Variants in SEMA6D observed in about 807,000 individuals in gnomAD.
SEMA6D encodes semaphorin-6D.
Under a neutral mutation model 106.6 loss-of-function variants are expected in SEMA6D, and 35 were observed. That is an observed-to-expected ratio of 0.33 (90% confidence interval 0.25 to 0.44). The LOEUF (loss-of-function observed/expected upper bound fraction) is 0.44. Ranked by LOEUF, SEMA6D falls within the 20% of genes least tolerant of loss-of-function variation. The pLI, the probability that SEMA6D is intolerant of heterozygous loss-of-function variation, is 1.00. For missense variants in SEMA6D, 1,185 were observed against 1,345.9 expected (o/e 0.88, Z 1.87); for synonymous variants, 499 against 487.7 (o/e 1.02, Z -0.31).
intron 1 of SEMA6D, among the ~76,000 whole-genome samples, chr15:47,229,677 A>G (rs2032052596): frequency 6.6e-6 from 1 of 152,062 alleles, no homozygotes; most frequent in Non-Finnish European, 1.5e-5. Flanking sequence ...CTGAAGTCAT[A>G]TTTGCTGGAT....
chr15:47,765,238 G>T, intron 13 of SEMA6D, 182 bp downstream of exon 13: 1 of 1,385,526 alleles, frequency 7.2e-7, no homozygotes. Flanking sequence ...CTAGGGCGAG[G>T]GGGGTGAATG....
At chr15:47,760,946 C>T (rs756992590) in intron 3 of SEMA6D, 32 bp from the exon 4 acceptor site, 6 of 1,573,790 alleles carry the variant, frequency 3.8e-6, no homozygotes, top group African/African-American at 2.7e-5. Context: ...TATGTATTCA[C>T]GTGATATGTT....
intron 4 of SEMA6D, among the ~76,000 whole-genome samples, chr15:47,672,594 G>A (rs748492918): frequency 1.3e-4 from 20 of 151,976 alleles, no homozygotes; most frequent in Non-Finnish European, 1.8e-4. Flanking sequence ...CTGTCACCAG[G>A]TTGTATTAAA....
intron 3 of SEMA6D, among the ~76,000 whole-genome samples, chr15:47,557,782 A>G (rs1443427964): frequency 6.6e-6 from 1 of 152,158 alleles, no homozygotes; most frequent in Non-Finnish European, 1.5e-5. Flanking sequence ...TCTCTTCATC[A>G]AAGGGAAAGC....
chr15:47,598,915 G>A (rs912899606), intron 3 of SEMA6D, among the ~76,000 whole-genome samples: 5 of 151,928 alleles, frequency 3.3e-5, no homozygotes, highest in African/African-American at 4.8e-5. Context: ...ATGAGATAGC[G>A]ACTTAAAACA....
chr15:47,613,452 A>G (rs564827043), intron 4 of SEMA6D, among the ~76,000 whole-genome samples: 97 of 152,286 alleles, frequency 6.4e-4, no homozygotes, highest in African/African-American at 2.3e-3. Context: ...ATTCTCTCGG[A>G]GGAAGATAGC....
intron 1 of SEMA6D, among the ~76,000 whole-genome samples, chr15:47,237,154 C>T (rs2032600927): frequency 6.6e-6 from 1 of 152,140 alleles, no homozygotes; most frequent in Admixed American, 6.6e-5. Flanking sequence ...TCTAGCTGTG[C>T]TATACAAAAT....
At chr15:47,608,228 T>C (rs2076822427) in intron 4 of SEMA6D, among the ~76,000 whole-genome samples, 1 of 152,200 alleles carries the variant, frequency 6.6e-6, no homozygotes, top group Admixed American at 6.5e-5. Context: ...CATAAAAATA[T>C]TTAATCCATA....
intron 4 of SEMA6D, among the ~76,000 whole-genome samples, chr15:47,640,021 T>C (rs531751451): frequency 1.3e-5 from 2 of 152,138 alleles, no homozygotes; most frequent in South Asian, 2.1e-4. Context: ...TATCAGTTCA[T>C]TAATAGTAAC....
At chr15:47,750,617 T>G (rs2147314618) in intron 1 of SEMA6D, among the ~76,000 whole-genome samples, 1 of 152,360 alleles carries the variant, frequency 6.6e-6, no homozygotes, top group African/African-American at 2.4e-5. Flanking sequence ...CAGCAGGGCT[T>G]CAGCTGTGTG....
intron 1 of SEMA6D, among the ~76,000 whole-genome samples, chr15:47,725,296 C>T (rs1187421161): frequency 2.0e-5 from 3 of 152,028 alleles, no homozygotes; most frequent in South Asian, 2.1e-4. Flanking sequence ...TTAATAAATG[C>T]GCTAATTGAG....
At chr15:47,757,266 C>T (rs1192325067) in intron 1 of SEMA6D, among the ~76,000 whole-genome samples, 1 of 152,164 alleles carries the variant, frequency 6.6e-6, no homozygotes, top group African/African-American at 2.4e-5. Flanking sequence ...TGTTTTAATG[C>T]AGATGTTTCT....
chr15:47,298,531 A>G (rs1496915), intron 1 of SEMA6D, among the ~76,000 whole-genome samples: 150,659 of 152,222 alleles, frequency 0.99, 74,568 homozygotes, highest in Middle Eastern at 1. Context: ...TCCACTGGAT[A>G]GAACATTCAC....
chr15:47,367,873 A>T (rs281276), intron 1 of SEMA6D, among the ~76,000 whole-genome samples: 303 of 152,120 alleles, frequency 2.0e-3, no homozygotes, highest in African/African-American at 6.8e-3. Context: ...TTTTTTGATG[A>T]CAAGTCTTGG....
intron 2 of SEMA6D, among the ~76,000 whole-genome samples, chr15:47,445,512 T>C (rs553483906): frequency 6.6e-6 from 1 of 152,184 alleles, no homozygotes; most frequent in Non-Finnish European, 1.5e-5. Flanking sequence ...GGCTTAACCA[T>C]ACCTACATCT....
intron 4 of SEMA6D, among the ~76,000 whole-genome samples, chr15:47,676,726 G>T (rs1393741776): frequency 6.6e-6 from 1 of 152,148 alleles, no homozygotes; most frequent in Non-Finnish European, 1.5e-5. Context: ...ACCTATTGCT[G>T]CAAAACAAAC....
chr15:47,697,558 T>G (rs1773510466), intron 4 of SEMA6D, among the ~76,000 whole-genome samples: 1 of 152,204 alleles, frequency 6.6e-6, no homozygotes, highest in African/African-American at 2.4e-5. Context: ...ACTTCTAAAT[T>G]CCAATTATTT....
intron 1 of SEMA6D, among the ~76,000 whole-genome samples, chr15:47,757,775 C>T (rs1419244658): frequency 6.6e-6 from 1 of 152,004 alleles, no homozygotes; most frequent in Non-Finnish European, 1.5e-5. Context: ...ATATCTTTTC[C>T]CCAGGCCCTT....
intron 2 of SEMA6D, among the ~76,000 whole-genome samples, chr15:47,451,972 A>G (rs1370514620): frequency 2.0e-5 from 3 of 151,862 alleles, no homozygotes. Flanking sequence ...ATTGCTGTTC[A>G]CTCCAGTTCC....
Sources: gnomAD v4.1 joint callset for allele counts (sites outside exome capture counted in the v4.1 genomes callset) on GRCh38, gnomAD v4.1.1 for gene constraint, MANE v1.5 for transcripts, NCBI Gene and HGNC (gene_info 2026-07-23, HGNC 2026-07-21) for gene names.